Variants in EPB41 observed in about 807,000 individuals in gnomAD.
EPB41 encodes protein 4.1.
EPB41 carries 65 observed loss-of-function variants against 108.0 expected under a neutral mutation model. The observed-to-expected ratio is 0.60, with a 90% CI of 0.49 to 0.74. The LOEUF is 0.74. Ranked by LOEUF, EPB41 falls within the 30% of genes least tolerant of loss-of-function variation. EPB41 has a pLI of 0.00. For synonymous variants in EPB41, 336 were observed against 358.9 expected, an observed-to-expected ratio of 0.94 and a Z score of 0.72; for missense variants, 875 against 1,037.0, an observed-to-expected ratio of 0.84 and a Z score of 2.15.
At chr1:28,906,113 G>T (rs965825779) in intron 1 of EPB41, among the ~76,000 whole-genome samples, 1 of 152,126 alleles carries the variant, frequency 6.6e-6, no homozygotes, top group Middle Eastern at 3.4e-3. Flanking sequence ...GCCACTGTGC[G>T]TGGCCCCAAT....
chr1:28,921,521 G>A (rs1045975224), intron 1 of EPB41, among the ~76,000 whole-genome samples: 5 of 151,874 alleles, frequency 3.3e-5, no homozygotes, highest in African/African-American at 4.8e-5. Context: ...TTCAGCATGC[G>A]ATAGGGACAC....
chr1:29,082,643 G>A (rs956077258), intron 16 of EPB41, among the ~76,000 whole-genome samples: 10 of 152,030 alleles, frequency 6.6e-5, no homozygotes, highest in Non-Finnish European at 1.2e-4. Flanking sequence ...ACCACCAAAC[G>A]CTTCTGGTCT....
chr1:29,023,314 G>C (rs1038218515), intron 7 of EPB41, among the ~76,000 whole-genome samples: 7 of 151,754 alleles, frequency 4.6e-5, no homozygotes, highest in African/African-American at 1.7e-4. Context: ...TTACTTTTTA[G>C]AAATTTAATA....
chr1:29,112,501 C>A, intron 19 of EPB41, 53 bp downstream of exon 19: 3 of 1,467,258 alleles, frequency 2.0e-6, no homozygotes, highest in Admixed American at 3.3e-5. Flanking sequence ...GCAGGAAGAC[C>A]GATGAATACA....
intron 1 of EPB41, among the ~76,000 whole-genome samples, chr1:28,888,320 G>A (rs547574970): frequency 5.9e-5 from 9 of 152,348 alleles, no homozygotes; most frequent in Admixed American, 3.9e-4. Context: ...GGAGCGGGAG[G>A]GGCTGGGGAG....
At chr1:28,990,333 T>TTCCTTCCTTCCTTCCTTTCTTCCC (rs1162241720) in intron 2 of EPB41, among the ~76,000 whole-genome samples, 2 of 127,190 alleles carry the variant, frequency 1.6e-5, no homozygotes, top group Non-Finnish European at 3.3e-5. Context: ...CCTTCCTTCC[T>TTCCTTCCTTCCTTCCTTTCTTCCC]TCCCTCCCTC....
intron 12 of EPB41, 27 bp from the exon 13 acceptor site, chr1:29,058,562 T>C (rs1404251209): frequency 6.2e-7 from 1 of 1,604,860 alleles, no homozygotes; most frequent in Non-Finnish European, 8.5e-7. Flanking sequence ...CTAAAATGTT[T>C]TTACTACTTT....
At chr1:29,111,912 G>T (rs1474338504) in intron 18 of EPB41, among the ~76,000 whole-genome samples, 1 of 151,000 alleles carries the variant, frequency 6.6e-6, no homozygotes, top group African/African-American at 2.4e-5. Context: ...GGGAGGCAGA[G>T]GTTGCAGTGA....
chr1:29,093,214 G>T (rs1219000880), intron 16 of EPB41, among the ~76,000 whole-genome samples: 8 of 152,204 alleles, frequency 5.3e-5, no homozygotes, highest in Non-Finnish European at 1.2e-4. Flanking sequence ...ACCAGCATCT[G>T]TTATTTTTTG....
At chr1:29,055,133 T>A (rs1471890847) in intron 12 of EPB41, among the ~76,000 whole-genome samples, 1 of 152,118 alleles carries the variant, frequency 6.6e-6, no homozygotes, top group Non-Finnish European at 1.5e-5. Context: ...ACAGATTGAG[T>A]GAATGGTAGG....
At chr1:28,994,898 G>A (rs550501251) in intron 3 of EPB41, among the ~76,000 whole-genome samples, 7 of 131,694 alleles carry the variant, frequency 5.3e-5, no homozygotes, top group African/African-American at 1.5e-4. Flanking sequence ...CGGCTCAAGC[G>A]ATCTGCCTGC....
chr1:29,060,346 A>G (rs1309019726), intron 14 of EPB41, 76 bp from the exon 15 acceptor site: 3 of 1,464,856 alleles, frequency 2.0e-6, no homozygotes, highest in South Asian at 2.3e-5. Flanking sequence ...TGGTTTGCCA[A>G]TTTTCAGTTT....
intron 1 of EPB41, among the ~76,000 whole-genome samples, chr1:28,965,554 T>G (rs2095336126): frequency 6.6e-6 from 1 of 152,160 alleles, no homozygotes; most frequent in Non-Finnish European, 1.5e-5. Context: ...CTCATGATCT[T>G]TTCAACACCA....
chr1:29,098,176 C>G (rs959884238), intron 17 of EPB41, among the ~76,000 whole-genome samples: 7 of 152,132 alleles, frequency 4.6e-5, no homozygotes, highest in African/African-American at 1.7e-4. Flanking sequence ...GGGAGGATCT[C>G]TTGAGCCCAG....
At chr1:29,025,111 A>T (rs1036739963) in intron 7 of EPB41, among the ~76,000 whole-genome samples, 3 of 152,050 alleles carry the variant, frequency 2.0e-5, no homozygotes, top group Admixed American at 6.5e-5. Context: ...TGGGATTTTA[A>T]AGCTATAATT....
chr1:29,044,839 G>C (rs1430004787), intron 11 of EPB41, among the ~76,000 whole-genome samples: 1 of 152,078 alleles, frequency 6.6e-6, no homozygotes, highest in Non-Finnish European at 1.5e-5. Flanking sequence ...GACAGAGTGA[G>C]ACTCCGTCTC....
intron 16 of EPB41, among the ~76,000 whole-genome samples, chr1:29,086,813 G>T (rs886957402): frequency 6.6e-6 from 1 of 151,718 alleles, no homozygotes; most frequent in Non-Finnish European, 1.5e-5. Flanking sequence ...AAATGTGTGG[G>T]GATAAAATTA....
chr1:29,058,658 A>T lies in EPB41; in HGVS notation c.1902+13A>T. On this transcript the variant is annotated intron_variant, in intron 13 of 20. Transcript: ENST00000343067. The stretch of plus-strand genomic sequence containing the variant: ...TGACCAAACACAGGTTTGTGCCAAT[A>T]GGCCACTTGTTCCTCTTTCCCTCCA... 2 of 1,612,414 alleles carry T rather than the reference A, an allele frequency of 1.2e-6. No homozygotes were observed. Among genetic ancestry groups the T allele is most frequent in the Non-Finnish European group, 1.7e-6 (2 of 1,178,924 alleles).
At chr1:28,900,868 T>G (rs965176366) in intron 1 of EPB41, among the ~76,000 whole-genome samples, 5 of 152,148 alleles carry the variant, frequency 3.3e-5, no homozygotes, top group Non-Finnish European at 7.3e-5. Context: ...TAGCTTGTTC[T>G]CTCATCTCTT....
Sources: gnomAD v4.1 joint callset for allele counts (sites outside exome capture counted in the v4.1 genomes callset) on GRCh38, gnomAD v4.1.1 for gene constraint, MANE v1.5 for transcripts, NCBI Gene and HGNC (gene_info 2026-07-23, HGNC 2026-07-21) for gene names.